The following LHFPL3 variants were observed in gnomAD, a reference collection of about 807,000 sequenced individuals.
The protein encoded by LHFPL3 is LHFPL tetraspan subfamily member 3.
Under a neutral mutation model 19.3 loss-of-function variants are expected in LHFPL3, and 5 were observed. That is an observed-to-expected ratio of 0.26 (90% CI 0.14 to 0.54). LHFPL3 has a LOEUF of 0.54. LHFPL3 is among the 20% of genes least tolerant of loss of function. LHFPL3 has a pLI of 0.94. For synonymous variants in LHFPL3, 133 were observed against 126.2 expected, an observed-to-expected ratio of 1.05 and a Z score of -0.36; for missense variants, 249 against 307.4, an observed-to-expected ratio of 0.81 and a Z score of 1.42.
intron 2 of LHFPL3, among the ~76,000 whole-genome samples, chr7:104,743,287 G>C (rs767415032): frequency 6.6e-6 from 1 of 151,860 alleles, no homozygotes; most frequent in Non-Finnish European, 1.5e-5. Context: ...CTGGTCCATG[G>C]CAGAGGAGCC....
At chr7:104,542,027 G>T (rs1794495006) in intron 1 of LHFPL3, among the ~76,000 whole-genome samples, 1 of 151,994 alleles carries the variant, frequency 6.6e-6, no homozygotes, top group Non-Finnish European at 1.5e-5. Flanking sequence ...TTTGAAGCAA[G>T]AAGTGGGCAT....
At chr7:104,808,129 C>G (rs1017658527) in intron 2 of LHFPL3, among the ~76,000 whole-genome samples, 1 of 152,234 alleles carries the variant, frequency 6.6e-6, no homozygotes, top group Non-Finnish European at 1.5e-5. Flanking sequence ...CAGCCACACT[C>G]TTCCTCTGAT....
chr7:104,473,206 C>T (rs940131311), intron 1 of LHFPL3, among the ~76,000 whole-genome samples: 3 of 152,126 alleles, frequency 2.0e-5, no homozygotes, highest in Non-Finnish European at 2.9e-5. Flanking sequence ...AGAATAAATG[C>T]GTCTTTCAAA....
At chr7:104,512,640 G>A (rs1248413986) in intron 1 of LHFPL3, among the ~76,000 whole-genome samples, 1 of 152,120 alleles carries the variant, frequency 6.6e-6, no homozygotes. Context: ...GGAGGCTGAG[G>A]CAGGAGAATC....
chr7:104,858,047 A>G (rs1791543429), intron 2 of LHFPL3, among the ~76,000 whole-genome samples: 1 of 152,196 alleles, frequency 6.6e-6, no homozygotes, highest in South Asian at 2.1e-4. Context: ...CTCACCATCA[A>G]TATAAAAACT....
chr7:104,709,496 C>T (rs1290142834), intron 1 of LHFPL3, among the ~76,000 whole-genome samples: 1 of 144,616 alleles, frequency 6.9e-6, no homozygotes, highest in Non-Finnish European at 1.5e-5. Context: ...CACCCTTAAT[C>T]CATTTAACCC....
intron 1 of LHFPL3, among the ~76,000 whole-genome samples, chr7:104,586,455 G>A (rs2115598832): frequency 6.6e-6 from 1 of 152,114 alleles, no homozygotes; most frequent in East Asian, 1.9e-4. Context: ...CATAGTCTAT[G>A]AAGTATTTTT....
intron 1 of LHFPL3, among the ~76,000 whole-genome samples, chr7:104,495,574 G>A (rs528362015): frequency 9.9e-5 from 15 of 152,198 alleles, no homozygotes; most frequent in South Asian, 6.2e-4. Flanking sequence ...TAGTAGAGAT[G>A]GGGTTTCACC....
intron 1 of LHFPL3, among the ~76,000 whole-genome samples, chr7:104,584,380 G>A (rs930168510): frequency 2.0e-5 from 3 of 151,960 alleles, no homozygotes; most frequent in Non-Finnish European, 4.4e-5. Context: ...AATGGGTGCA[G>A]CACACCAACA....
At chr7:104,652,106 A>T (rs1460613584) in intron 1 of LHFPL3, among the ~76,000 whole-genome samples, 1 of 152,222 alleles carries the variant, frequency 6.6e-6, no homozygotes, top group Non-Finnish European at 1.5e-5. Context: ...AGGGAAGTAC[A>T]AAAGGAGGAG....
chr7:104,669,003 A>G, intron 1 of LHFPL3: 1 of 1,612,176 alleles, frequency 6.2e-7, no homozygotes, highest in Non-Finnish European at 8.5e-7. Context: ...CGAGGACAGG[A>G]AGTGAGTCAT....
chr7:104,338,843 C>G (rs186023317), intron 1 of LHFPL3, among the ~76,000 whole-genome samples: 13 of 152,236 alleles, frequency 8.5e-5, no homozygotes, highest in Non-Finnish European at 1.6e-4. Context: ...GCTTAAAAAC[C>G]ATTTAACAAA....
At chr7:104,674,366 C>G (rs924689000) in intron 1 of LHFPL3, among the ~76,000 whole-genome samples, 1 of 146,960 alleles carries the variant, frequency 6.8e-6, no homozygotes, top group African/African-American at 2.5e-5. Flanking sequence ...TTTTCTTTTT[C>G]TTTTTCTTTT....
chr7:104,832,954 T>C (rs1416623987), intron 2 of LHFPL3, among the ~76,000 whole-genome samples: 13 of 99,878 alleles, frequency 1.3e-4, no homozygotes, highest in Non-Finnish European at 8.9e-5. Flanking sequence ...ACAGAACTAA[T>C]AGGATGTATA....
chr7:104,430,398 A>ACG (rs1791951446), intron 1 of LHFPL3, among the ~76,000 whole-genome samples: 9 of 35,922 alleles, frequency 2.5e-4, no homozygotes, highest in South Asian at 8.5e-4. Context: ...ATATATATAT[A>ACG]TATATACATA....
At chr7:104,395,395 G>T (rs1049397247) in intron 1 of LHFPL3, among the ~76,000 whole-genome samples, 2 of 152,178 alleles carry the variant, frequency 1.3e-5, no homozygotes, top group Non-Finnish European at 2.9e-5. Flanking sequence ...TACATTCAGT[G>T]ACTTACCTGT....
chr7:104,400,176 T>A (rs1791287556), intron 1 of LHFPL3, among the ~76,000 whole-genome samples: 1 of 140,530 alleles, frequency 7.1e-6, no homozygotes, highest in African/African-American at 2.6e-5. Context: ...AAATTTGACC[T>A]TCCATGTGTT....
intron 1 of LHFPL3, among the ~76,000 whole-genome samples, chr7:104,600,825 A>T (rs1042911159): frequency 6.6e-6 from 1 of 152,180 alleles, no homozygotes; most frequent in Admixed American, 6.5e-5. Flanking sequence ...AGGTGCATGG[A>T]GGTGATGTAG....
At chr7:104,392,930 C>A (rs1046584828) in intron 1 of LHFPL3, among the ~76,000 whole-genome samples, 1 of 152,020 alleles carries the variant, frequency 6.6e-6, no homozygotes, top group Non-Finnish European at 1.5e-5. Context: ...GTGTATGTGT[C>A]CAGGAATTTA....
Sources: gnomAD v4.1 joint callset for allele counts (sites outside exome capture counted in the v4.1 genomes callset) on GRCh38, gnomAD v4.1.1 for gene constraint, MANE v1.5 for transcripts, NCBI Gene and HGNC (gene_info 2026-07-23, HGNC 2026-07-21) for gene names.